The following ERICH1 variants were observed in gnomAD, a reference collection of about 807,000 sequenced individuals.
ERICH1 encodes the protein glutamate rich 1.
ERICH1 carries 56 observed loss-of-function variants against 39.6 expected under a neutral mutation model. That is an observed-to-expected ratio of 1.41 (90% confidence interval 1.14 to 1.77). ERICH1 has a LOEUF of 1.77. Among genes scored for constraint, ERICH1 ranks in the 40% most tolerant of loss-of-function variants. The pLI is 0.00. For synonymous variants in ERICH1, 313 were observed against 223.6 expected, an observed-to-expected ratio of 1.40 and a Z score of -3.57; for missense variants, 826 against 575.4, an observed-to-expected ratio of 1.44 and a Z score of -4.45.
chr8:633,708 G>A (rs1385717163), intron 3 of ERICH1, among the ~76,000 whole-genome samples: 1 of 152,194 alleles, frequency 6.6e-6, no homozygotes, highest in African/African-American at 2.4e-5. Flanking sequence ...GAACAGAGGC[G>A]AGGACCCAGA....
At chr8:636,104 T>C (rs574816894) in intron 3 of ERICH1, among the ~76,000 whole-genome samples, 3 of 152,206 alleles carry the variant, frequency 2.0e-5, no homozygotes, top group Non-Finnish European at 4.4e-5. Context: ...GCATTCTCTG[T>C]GGAAAACACT....
Position 692,618 on chromosome 8 carries a change from A to G in ERICH1, c.170-6T>C. ...CGGGGTCTCAGAGCCAGTGTCTGCA[A>G]CACAGGAGGAAAATAACAGGAACTG... On this transcript the variant is annotated splice_region_variant and splice_polypyrimidine_tract_variant and intron_variant, in intron 2 of 5. Transcript: ENST00000262109. 2 of 1,570,778 alleles carry G rather than the reference A, an allele frequency of 1.3e-6. No homozygotes were observed. The highest frequency in any genetic ancestry group is 1.7e-6 in the Non-Finnish European group (2 of 1,157,480).
At position 693,229 on chromosome 8, in the gene ERICH1, C is replaced by CAG. The variant is rs980735299; in HGVS notation, c.170-619_170-618dup. On this transcript the variant is annotated intron_variant, in intron 2 of 5. Coordinates refer to ENST00000262109, the MANE Select transcript of ERICH1 (RefSeq NM_207332.3). ...AGACACAGACATGTACAGAGACACA[C>CAG]AGAGAGATACACAAATACACAAGCA... Among the ~76,000 whole-genome samples, 6 of 152,066 alleles carry CAG rather than the reference C, an allele frequency of 3.9e-5. No homozygotes were observed. In the East Asian group the frequency reaches 1.2e-3, roughly 29 times the overall value.
chr8:708,681 G>GTTTTTTTTTTTTTT lies in ERICH1; in HGVS notation c.169+7166_169+7179dup, dbSNP rs139731216. ...GGGCTGAGTGGTTACGGGATAATGA[G>GTTTTTTTTTTTTTT]TTTTTTTTTTTTTTTTTTTTTTTTT... On this transcript the variant is annotated intron_variant, in intron 2 of 5. Coordinates refer to ENST00000262109, the MANE Select transcript of ERICH1 (RefSeq NM_207332.3). Among the ~76,000 whole-genome samples the GTTTTTTTTTTTTTT allele has an allele frequency of 9.4e-4, 62 of 65,754 alleles. 4 individuals are homozygous for GTTTTTTTTTTTTTT. The highest frequency in any genetic ancestry group is 2.1e-3 in the African/African-American group (37 of 17,538). 43.1% of individuals were successfully genotyped at this position (65,754 alleles called of 152,430 possible).
At chr8:710,933 A>G (rs1485549551) in intron 2 of ERICH1, among the ~76,000 whole-genome samples, 1 of 152,212 alleles carries the variant, frequency 6.6e-6, no homozygotes, top group African/African-American at 2.4e-5. Flanking sequence ...TCAGTTGTGT[A>G]AGAAACTACC....
chr8:639,091 G>T (rs944620123), intron 3 of ERICH1, among the ~76,000 whole-genome samples: 1 of 152,178 alleles, frequency 6.6e-6, no homozygotes, highest in South Asian at 2.1e-4. Flanking sequence ...GGTCATGAAT[G>T]TCCCCAGCGT....
intron 3 of ERICH1, among the ~76,000 whole-genome samples, chr8:689,752 G>C (rs1370527239): frequency 6.6e-6 from 1 of 152,160 alleles, no homozygotes; most frequent in Non-Finnish European, 1.5e-5. Context: ...GCTGGGTCCA[G>C]AGTCCTGTAA....
Position 680,359 on chromosome 8 carries a change from G to A in ERICH1, c.305-6312C>T, listed in dbSNP as rs1055620997. Among the ~76,000 whole-genome samples the A allele has an allele frequency of 2.4e-3, 320 of 130,972 alleles. 2 individuals carry two copies. Among genetic ancestry groups the A allele is most frequent in the Admixed American group, 3.3e-3 (43 of 12,898 alleles). The allele number at this position is 130,972 out of a possible 152,430, so 85.9% of individuals were successfully genotyped here. On this transcript the variant is annotated intron_variant, in intron 3 of 5. Transcript: ENST00000262109. ...AGCTGCCACCCCTGTGAACACAGAA[G>A]ATGCAAGAGAATCCACAGCTGCCAC... is the stretch of plus-strand genomic sequence containing the variant.
intron 2 of ERICH1, among the ~76,000 whole-genome samples, chr8:700,533 G>C (rs71512854): frequency 0.28 from 10,803 of 38,442 alleles, 1,072 homozygotes; most frequent in South Asian, 0.34. Context: ...GGCCCGCACA[G>C]GCGCACAGGC....
chr8:648,244 G>T (rs1799576613), intron 3 of ERICH1, among the ~76,000 whole-genome samples: 1 of 65,486 alleles, frequency 1.5e-5, no homozygotes, highest in African/African-American at 4.1e-5. Context: ...AGAACTATGG[G>T]AAATACATTT....
intron 3 of ERICH1, among the ~76,000 whole-genome samples, chr8:632,683 C>T (rs568438946): frequency 4.6e-5 from 7 of 152,346 alleles, no homozygotes; most frequent in Non-Finnish European, 8.8e-5. Context: ...CCACAAGCCA[C>T]GGACACGCTC....
In ERICH1 at chr8:627,155, C is replaced by T. The variant is rs74417205; in HGVS notation, c.977-11871G>A. On this transcript the variant is annotated intron_variant, in intron 3 of 3. Transcript: ENST00000522706. ...ATTGGGAAGACAGACAGCAGCAGAC[C>T]CAGGTCTGAGCTCACATGTAGCCAC... The T allele has an allele frequency of 2.0e-5, 9 of 456,246 alleles. No individual in the cohort carries two copies. In the East Asian group the frequency reaches 6.3e-4, roughly 32 times the overall value. 28.3% of individuals were successfully genotyped at this position (456,246 alleles called of 1,614,324 possible).
intron 2 of ERICH1, among the ~76,000 whole-genome samples, chr8:713,562 C>T (rs765216813): frequency 2.0e-5 from 3 of 152,114 alleles, no homozygotes; most frequent in Admixed American, 1.3e-4. Flanking sequence ...TTGACCAGAA[C>T]GGTGTCTGTG....
chr8:679,000 C>T (rs1227288315), intron 3 of ERICH1, among the ~76,000 whole-genome samples: 1 of 151,916 alleles, frequency 6.6e-6, no homozygotes, highest in Non-Finnish European at 1.5e-5. Flanking sequence ...TTTGATCCCT[C>T]ACAGCTCCTA....
At chr8:704,826 GTTT>G (rs1812899455) in intron 2 of ERICH1, among the ~76,000 whole-genome samples, 1 of 152,132 alleles carries the variant, frequency 6.6e-6, no homozygotes, top group Admixed American at 6.5e-5. Context: ...AGGGGGGGTG[GTTT>G]TACCCAGGAG....
At chr8:640,602 G>C (rs1404107350) in intron 3 of ERICH1, 1 of 152,340 alleles carries the variant, frequency 6.6e-6, no homozygotes, top group Middle Eastern at 3.4e-3. Flanking sequence ...CAGATGTAGA[G>C]AATCACCTGG....
intron 2 of ERICH1, among the ~76,000 whole-genome samples, chr8:707,831 AG>A (rs1218195451): frequency 6.6e-6 from 1 of 152,252 alleles, no homozygotes; most frequent in African/African-American, 2.4e-5. Context: ...GGGGCTTTAA[AG>A]GATACCATTA....
intron 3 of ERICH1, among the ~76,000 whole-genome samples, chr8:633,573 T>G (rs1798186716): frequency 6.6e-6 from 1 of 152,174 alleles, no homozygotes; most frequent in African/African-American, 2.4e-5. Context: ...GGGTTCCTGA[T>G]TACCCAAAAC....
At chr8:691,245 C>A (rs1214717549) in intron 3 of ERICH1, 1 of 152,086 alleles carries the variant, frequency 6.6e-6, no homozygotes, top group East Asian at 1.9e-4. Flanking sequence ...CTCAAGGGCT[C>A]CTGGACACGT....
Sources: allele counts gnomAD v4.1 joint callset (sites outside exome capture counted in the v4.1 genomes callset), GRCh38; gene constraint gnomAD v4.1.1; transcripts MANE v1.5; gene names NCBI Gene and HGNC (gene_info 2026-07-23, HGNC 2026-07-21).